The following PKP4 variants were observed in gnomAD, a reference collection of about 807,000 sequenced individuals.
PKP4 encodes the protein plakophilin 4.
PKP4 carries 90 observed loss-of-function variants against 145.1 expected under a neutral mutation model. The ratio of observed to expected loss-of-function variants is 0.62; its 90% CI spans 0.52 to 0.74. The LOEUF (loss-of-function observed/expected upper bound fraction) is 0.74. Ranked by LOEUF, PKP4 falls within the 30% of genes least tolerant of loss-of-function variation. PKP4 has a pLI of 0.00. For missense variants in PKP4, 1,340 were observed against 1,482.7 expected, an observed-to-expected ratio of 0.90 and a Z score of 1.58; for synonymous variants, 563 against 577.2, an observed-to-expected ratio of 0.98 and a Z score of 0.35.
intron 9 of PKP4, among the ~76,000 whole-genome samples, chr2:158,635,823 A>G (rs1386670852): frequency 6.6e-6 from 1 of 152,194 alleles, no homozygotes; most frequent in Non-Finnish European, 1.5e-5. Flanking sequence ...TATTCTAGCT[A>G]AAACTGGAAT....
At chr2:158,561,059 A>G (rs902248261) in intron 2 of PKP4, among the ~76,000 whole-genome samples, 40 of 152,368 alleles carry the variant, frequency 2.6e-4, no homozygotes, top group African/African-American at 9.4e-4. Context: ...ACAATTTTTA[A>G]TGGTTAAAAA....
chr2:158,652,748 A>C (rs2055496639), intron 11 of PKP4, among the ~76,000 whole-genome samples: 1 of 152,112 alleles, frequency 6.6e-6, no homozygotes, highest in Non-Finnish European at 1.5e-5. Flanking sequence ...GGTGGGGAGG[A>C]TTACATAAGG....
chr2:158,631,799 C>T lies in PKP4; in HGVS notation c.1200C>T (p.Asp400=). Residue 400 remains aspartate (D), a synonymous_variant, in exon 8 of 22, where the codon GAC becomes GAT. Transcript: ENST00000389759. ...YASQHSQLGQ[D]LRSAVSPDLH... ...GTCAGCATAGTCAGCTTGGGCAAGACCTTCGTTCTGCCGTGTCTCCCGACT... is the reference window on the plus strand; with the variant it reads ...GTCAGCATAGTCAGCTTGGGCAAGATCTTCGTTCTGCCGTGTCTCCCGACT... 6.2e-7 allele frequency: 1 copy of T among 1,614,132 alleles called. No homozygotes were observed. Among genetic ancestry groups the T allele is most frequent in the Non-Finnish European group, 8.5e-7 (1 of 1,180,004 alleles).
At chr2:158,644,750 G>A (rs1432684533) in intron 11 of PKP4, among the ~76,000 whole-genome samples, 1 of 152,326 alleles carries the variant, frequency 6.6e-6, no homozygotes, top group East Asian at 1.9e-4. Flanking sequence ...GGTTACCTCT[G>A]TGAAGAGGAA....
chr2:158,575,844 G>A (rs2047800060), intron 2 of PKP4, among the ~76,000 whole-genome samples: 1 of 152,150 alleles, frequency 6.6e-6, no homozygotes, highest in Admixed American at 6.5e-5. Context: ...TAAGTGTGAG[G>A]TAAGCATAAT....
intron 1 of PKP4, among the ~76,000 whole-genome samples, chr2:158,461,352 A>G (rs1054021620): frequency 2.0e-5 from 3 of 152,206 alleles, no homozygotes; most frequent in African/African-American, 4.8e-5. Context: ...TGTTTGATAT[A>G]CCAATAAATG....
At chr2:158,632,021 GT>G in intron 8 of PKP4, 80 bp downstream of exon 8, 1 of 1,305,470 alleles carries the variant, frequency 7.7e-7, no homozygotes, top group Non-Finnish European at 1.1e-6. Context: ...TGGGTTCCCT[GT>G]TAGAAGGAAA....
chr2:158,602,498 T>C (rs2050310102), intron 3 of PKP4, among the ~76,000 whole-genome samples: 2 of 152,200 alleles, frequency 1.3e-5, no homozygotes, highest in South Asian at 2.1e-4. Flanking sequence ...GGCACTGATA[T>C]GTTTTTATTC....
chr2:158,657,206 T>A (rs191710306), intron 11 of PKP4, among the ~76,000 whole-genome samples: 4 of 152,308 alleles, frequency 2.6e-5, no homozygotes, highest in Non-Finnish European at 2.9e-5. Context: ...CTCAGGAAGA[T>A]GCACTGATGT....
At chr2:158,589,211 T>C (rs2049047288) in intron 3 of PKP4, among the ~76,000 whole-genome samples, 1 of 152,190 alleles carries the variant, frequency 6.6e-6, no homozygotes, top group Non-Finnish European at 1.5e-5. Flanking sequence ...GTGCATGTTA[T>C]CCTCTTACTC....
At chr2:158,509,606 T>C (rs908569747) in intron 1 of PKP4, among the ~76,000 whole-genome samples, 4 of 152,170 alleles carry the variant, frequency 2.6e-5, no homozygotes, top group African/African-American at 9.7e-5. Flanking sequence ...TAGGGTCACA[T>C]TAAAAGTACT....
At chr2:158,537,624 C>T (rs150858244) in intron 2 of PKP4, among the ~76,000 whole-genome samples, 173 of 152,280 alleles carry the variant, frequency 1.1e-3, no homozygotes, top group African/African-American at 3.9e-3. Flanking sequence ...ATCCAGGAGT[C>T]CATGATGAAT....
intron 6 of PKP4, among the ~76,000 whole-genome samples, chr2:158,624,238 T>C (rs1240326769): frequency 6.6e-6 from 1 of 152,220 alleles, no homozygotes; most frequent in Non-Finnish European, 1.5e-5. Flanking sequence ...CAAATTTGCC[T>C]AGAGCACCTG....
intron 1 of PKP4, among the ~76,000 whole-genome samples, chr2:158,501,039 G>A (rs530613802): frequency 4.5e-4 from 68 of 152,254 alleles, no homozygotes; most frequent in African/African-American, 1.6e-3. Flanking sequence ...CTGGGCACAG[G>A]TGGATTTTAG....
At chr2:158,583,865 T>G (rs2048550686) in intron 3 of PKP4, among the ~76,000 whole-genome samples, 1 of 152,180 alleles carries the variant, frequency 6.6e-6, no homozygotes, top group Non-Finnish European at 1.5e-5. Flanking sequence ...TTTTTATATT[T>G]TCTGATTTTT....
intron 2 of PKP4, among the ~76,000 whole-genome samples, chr2:158,543,645 A>G (rs2044710281): frequency 6.6e-6 from 1 of 152,248 alleles, no homozygotes. Context: ...TTTGAAGGAT[A>G]AACTTTGGAT....
rs540866609 is a variant in PKP4 at position 158,470,721 on chromosome 2, G to A, written c.-6+13503G>A. On this transcript the variant is annotated intron_variant, in intron 1 of 21. Coordinates refer to ENST00000389759, the MANE Select transcript of PKP4 (RefSeq NM_003628.6). Reference sequence around the variant, plus strand: ...TTAAAAATGTTTAGCAAATTGCTAAGTGTTGAATGTGGGCAGGCAAGAGAA... The same window carrying A: ...TTAAAAATGTTTAGCAAATTGCTAAATGTTGAATGTGGGCAGGCAAGAGAA... Among the ~76,000 whole-genome samples, 52 of 152,320 alleles carry A rather than the reference G, an allele frequency of 3.4e-4. 1 individual carries two copies. Among genetic ancestry groups the A allele is most frequent in the Admixed American group, 4.6e-4 (7 of 15,302 alleles).
chr2:158,671,869 G>A (rs1243829670), intron 17 of PKP4, among the ~76,000 whole-genome samples: 1 of 152,240 alleles, frequency 6.6e-6, no homozygotes, highest in Non-Finnish European at 1.5e-5. Context: ...TGAAGGCCTT[G>A]CAGAGACAGT....
At chr2:158,474,005 T>C (rs906469148) in intron 1 of PKP4, among the ~76,000 whole-genome samples, 5 of 152,226 alleles carry the variant, frequency 3.3e-5, no homozygotes, top group Non-Finnish European at 7.3e-5. Flanking sequence ...ATATTTATTA[T>C]ATGCATTACA....
Sources: allele counts gnomAD v4.1 joint callset (sites outside exome capture counted in the v4.1 genomes callset), GRCh38; gene constraint gnomAD v4.1.1; transcripts MANE v1.5; gene names NCBI Gene and HGNC (gene_info 2026-07-23, HGNC 2026-07-21).